CACNA2D3: variants seen among roughly 807,000 people sequenced by gnomAD.
CACNA2D3 encodes calcium voltage-gated channel auxiliary subunit alpha2delta 3.
Under a neutral mutation model 160.6 loss-of-function variants are expected in CACNA2D3, and 60 were observed. The observed-to-expected ratio is 0.37, with a 90% CI of 0.30 to 0.46. The LOEUF is 0.46. Among genes scored for constraint, CACNA2D3 ranks in the 20% least tolerant of loss-of-function variants. CACNA2D3 has a pLI of 1.00. For missense variants in CACNA2D3, 1,205 were observed against 1,365.0 expected (o/e 0.88, Z 1.85); for synonymous variants, 558 against 492.9 (o/e 1.13, Z -1.75).
At chr3:54,691,802 G>A (rs985544467) in intron 11 of CACNA2D3, among the ~76,000 whole-genome samples, 3 of 152,062 alleles carry the variant, frequency 2.0e-5, no homozygotes, top group African/African-American at 7.2e-5. Flanking sequence ...GTTCACATTT[G>A]CAGTATTTCA....
chr3:54,892,784 C>T (rs1037931358), intron 25 of CACNA2D3, among the ~76,000 whole-genome samples: 7 of 152,260 alleles, frequency 4.6e-5, no homozygotes, highest in Non-Finnish European at 8.8e-5. Flanking sequence ...CTGAAACAAG[C>T]AAAGCTGCAA....
chr3:54,444,091 G>A (rs1490576980), intron 4 of CACNA2D3, among the ~76,000 whole-genome samples: 5 of 152,176 alleles, frequency 3.3e-5, no homozygotes, highest in Middle Eastern at 3.4e-3. Context: ...GTATGACACC[G>A]CATTTCCCCC....
chr3:55,042,221 G>T (rs905637260), intron 35 of CACNA2D3, among the ~76,000 whole-genome samples: 2 of 152,090 alleles, frequency 1.3e-5, no homozygotes, highest in Non-Finnish European at 2.9e-5. Context: ...TGAAATGTTT[G>T]ATAAAATCCC....
At chr3:54,970,690 G>T (rs1702257368) in intron 29 of CACNA2D3, among the ~76,000 whole-genome samples, 1 of 145,714 alleles carries the variant, frequency 6.9e-6, no homozygotes. Flanking sequence ...CATGCGCAAT[G>T]GAAGAAGAAA....
At chr3:54,739,351 C>A (rs1329311921) in intron 11 of CACNA2D3, among the ~76,000 whole-genome samples, 1 of 143,504 alleles carries the variant, frequency 7.0e-6, no homozygotes, top group Non-Finnish European at 1.5e-5. Context: ...ACCTGGGAGG[C>A]AGAGGTTGCA....
At chr3:54,917,638 A>G (rs1331785035) in intron 27 of CACNA2D3, among the ~76,000 whole-genome samples, 1 of 152,230 alleles carries the variant, frequency 6.6e-6, no homozygotes, top group Non-Finnish European at 1.5e-5. Flanking sequence ...CCCAACCTAA[A>G]TTCATTCCTG....
At chr3:54,354,778 G>T (rs565771934) in intron 3 of CACNA2D3, among the ~76,000 whole-genome samples, 5 of 152,316 alleles carry the variant, frequency 3.3e-5, no homozygotes, top group Admixed American at 3.3e-4. Flanking sequence ...CTCTCCCTGA[G>T]CTTGAGTGGG....
At chr3:54,839,763 G>A (rs1407975038) in intron 16 of CACNA2D3, among the ~76,000 whole-genome samples, 1 of 152,162 alleles carries the variant, frequency 6.6e-6, no homozygotes, top group Non-Finnish European at 1.5e-5. Flanking sequence ...GCAGGCAGTG[G>A]TTAGAGCTTG....
intron 34 of CACNA2D3, 131 bp from the exon 35 acceptor site, chr3:55,018,075 A>G: frequency 1.6e-6 from 1 of 637,920 alleles, no homozygotes; most frequent in Non-Finnish European, 2.8e-6. Context: ...AAAATAATGC[A>G]TTATGCTGTG....
intron 16 of CACNA2D3, among the ~76,000 whole-genome samples, chr3:54,840,226 CT>C (rs1698789068): frequency 6.6e-6 from 1 of 152,040 alleles, no homozygotes; most frequent in Non-Finnish European, 1.5e-5. Context: ...AACAATTATC[CT>C]TTGTGTCCAT....
At chr3:55,055,957 C>G (rs976416521) in intron 35 of CACNA2D3, among the ~76,000 whole-genome samples, 3 of 151,978 alleles carry the variant, frequency 2.0e-5, no homozygotes, top group African/African-American at 7.2e-5. Flanking sequence ...GAGATTGTGT[C>G]AAACTAAAAA....
chr3:54,796,486 G>T (rs934659983), intron 13 of CACNA2D3, among the ~76,000 whole-genome samples: 1 of 152,192 alleles, frequency 6.6e-6, no homozygotes, highest in Admixed American at 6.5e-5. Context: ...GGCTTTGGTA[G>T]TTCTTTCTCT....
chr3:54,611,347 C>G (rs1275618380), intron 9 of CACNA2D3, among the ~76,000 whole-genome samples: 1 of 152,174 alleles, frequency 6.6e-6, no homozygotes, highest in Non-Finnish European at 1.5e-5. Flanking sequence ...ATCATCTTGG[C>G]TAAGCAGCCT....
At chr3:54,153,751 T>C (rs1227665369) in intron 2 of CACNA2D3, among the ~76,000 whole-genome samples, 1 of 152,228 alleles carries the variant, frequency 6.6e-6, no homozygotes, top group Non-Finnish European at 1.5e-5. Flanking sequence ...ATTGCACTGG[T>C]ATTTTTATTT....
chr3:54,912,301 C>G (rs1276741636), intron 27 of CACNA2D3, among the ~76,000 whole-genome samples: 1 of 152,170 alleles, frequency 6.6e-6, no homozygotes, highest in East Asian at 1.9e-4. Flanking sequence ...AAGCGAGTCA[C>G]TAGGTCCAGC....
Position 54,871,568 on chromosome 3 carries a change from T to C in CACNA2D3, c.1656T>C (p.Pro552=). 1.9e-6 allele frequency: 3 copies of C among 1,613,724 alleles called. No homozygotes were observed. Among genetic ancestry groups the C allele is most frequent in the Non-Finnish European group, 2.5e-6 (3 of 1,179,652 alleles). Residue 552 remains proline, a synonymous_variant, in exon 18 of 38, where the codon CCT becomes CCC. Coordinates refer to ENST00000474759, the MANE Select transcript of CACNA2D3 (RefSeq NM_018398.3). ...AAGAAGGAAAAAAGCGAAGGAAACC[T>C]AACTATAGTAGCGTTGACCTCTCTG... ...LYEEGKKRRK[P]NYSSVDLSEV... is the part of the protein sequence containing the mutation.
At chr3:54,188,450 G>C (rs1211653452) in intron 2 of CACNA2D3, among the ~76,000 whole-genome samples, 1 of 152,228 alleles carries the variant, frequency 6.6e-6, no homozygotes, top group Non-Finnish European at 1.5e-5. Flanking sequence ...GTTCTCGGCA[G>C]AGTCTGTGTT....
intron 2 of CACNA2D3, among the ~76,000 whole-genome samples, chr3:54,255,947 C>T (rs1026176325): frequency 1.3e-5 from 2 of 151,826 alleles, no homozygotes; most frequent in East Asian, 1.9e-4. Flanking sequence ...GTCACAGATC[C>T]AGTAAGTGTC....
intron 4 of CACNA2D3, among the ~76,000 whole-genome samples, chr3:54,483,901 T>C (rs957093545): frequency 6.6e-6 from 1 of 152,222 alleles, no homozygotes; most frequent in African/African-American, 2.4e-5. Context: ...AAATGACTGC[T>C]TTTCTATAAG....
Sources: gnomAD v4.1 joint callset for allele counts (sites outside exome capture counted in the v4.1 genomes callset) on GRCh38, gnomAD v4.1.1 for gene constraint, MANE v1.5 for transcripts, NCBI Gene and HGNC (gene_info 2026-07-23, HGNC 2026-07-21) for gene names.